PARD3: variants seen among roughly 807,000 people sequenced by gnomAD.
PARD3 encodes the protein par-3 family cell polarity regulator.
PARD3 carries 75 observed loss-of-function variants against 155.4 expected under a neutral mutation model. The ratio of observed to expected loss-of-function variants is 0.48; its 90% CI spans 0.40 to 0.58. The LOEUF (loss-of-function observed/expected upper bound fraction) is 0.58. Among genes scored for constraint, PARD3 ranks in the 20% least tolerant of loss-of-function variants. PARD3 has a pLI of 0.00. For missense variants in PARD3, 1,642 were observed against 1,721.7 expected (o/e 0.95, Z 0.82); for synonymous variants, 576 against 610.5 (o/e 0.94, Z 0.83).
intron 2 of PARD3, among the ~76,000 whole-genome samples, chr10:34,608,592 T>G (rs2090647184): frequency 6.9e-6 from 1 of 145,362 alleles, no homozygotes; most frequent in African/African-American, 2.6e-5. Context: ...TGGAGTGCAA[T>G]GGCCCGATCT....
In PARD3 at chr10:34,258,984, G is replaced by A. The variant is rs190835492; in HGVS notation, c.3419+10673C>T. Among the ~76,000 whole-genome samples the A allele has an allele frequency of 3.4e-3, 521 of 152,152 alleles. 3 individuals are homozygous for A. The highest frequency in any genetic ancestry group is 0.021 in the South Asian group (102 of 4,808). On this transcript the variant is annotated intron_variant, in intron 22 of 24. Transcript: ENST00000374788. Reference sequence around the variant, plus strand: ...CTCGAGAGGCTGAGGTGGGAGAAGCGCTTGGGCCCAGGAATTTGAGGTTGC... The same window carrying A: ...CTCGAGAGGCTGAGGTGGGAGAAGCACTTGGGCCCAGGAATTTGAGGTTGC...
intron 5 of PARD3, among the ~76,000 whole-genome samples, chr10:34,447,317 T>A (rs1454515450): frequency 6.6e-6 from 1 of 151,272 alleles, no homozygotes; most frequent in Non-Finnish European, 1.5e-5. Context: ...CCATCTGTAC[T>A]AAAAACACAA....
intron 22 of PARD3, among the ~76,000 whole-genome samples, chr10:34,244,321 A>C (rs1192940281): frequency 6.6e-6 from 1 of 152,220 alleles, no homozygotes; most frequent in Non-Finnish European, 1.5e-5. Context: ...TACTCAGGAA[A>C]CATTTAAAGG....
At chr10:34,113,774 G>C (rs920915815) in intron 24 of PARD3, among the ~76,000 whole-genome samples, 1 of 152,154 alleles carries the variant, frequency 6.6e-6, no homozygotes, top group African/African-American at 2.4e-5. Flanking sequence ...CACTGGGCGA[G>C]TTCTGCTCAC....
chr10:34,399,187 A>T (rs1306835966), intron 7 of PARD3, 143 bp downstream of exon 7: 1 of 644,626 alleles, frequency 1.6e-6, no homozygotes, highest in Non-Finnish European at 2.8e-6. Flanking sequence ...TGACATATAT[A>T]TAGGAATGAA....
chr10:34,741,466 T>C (rs2095016822), intron 1 of PARD3, among the ~76,000 whole-genome samples: 1 of 152,116 alleles, frequency 6.6e-6, no homozygotes, highest in Non-Finnish European at 1.5e-5. Context: ...ATTACAGGCA[T>C]GAGCCACTGT....
chr10:34,794,030 C>T (rs1841975812), intron 1 of PARD3, among the ~76,000 whole-genome samples: 2 of 152,062 alleles, frequency 1.3e-5, no homozygotes, highest in Admixed American at 1.3e-4. Flanking sequence ...GGTAAGCAAA[C>T]TCAACATATG....
At chr10:34,246,751 C>T (rs1953975959) in intron 22 of PARD3, among the ~76,000 whole-genome samples, 1 of 152,060 alleles carries the variant, frequency 6.6e-6, no homozygotes, top group Non-Finnish European at 1.5e-5. Flanking sequence ...GAGGAGACTG[C>T]ATGGACTGAA....
At chr10:34,496,687 G>C (rs1205526967) in intron 3 of PARD3, among the ~76,000 whole-genome samples, 1 of 152,160 alleles carries the variant, frequency 6.6e-6, no homozygotes, top group Non-Finnish European at 1.5e-5. Flanking sequence ...TGAAACACAT[G>C]CACAGGGGTC....
intron 1 of PARD3, among the ~76,000 whole-genome samples, chr10:34,718,975 A>C (rs2094563736): frequency 6.6e-6 from 1 of 152,180 alleles, no homozygotes. Context: ...AATAAAAATA[A>C]AAAATAAATT....
chr10:34,378,316 T>C (rs1261603898), intron 9 of PARD3, among the ~76,000 whole-genome samples: 1 of 152,194 alleles, frequency 6.6e-6, no homozygotes, highest in African/African-American at 2.4e-5. Flanking sequence ...CAGTTATTAA[T>C]CTAAGAAGAA....
chr10:34,458,812 A>G (rs1208081135), intron 4 of PARD3, among the ~76,000 whole-genome samples: 1 of 152,194 alleles, frequency 6.6e-6, no homozygotes, highest in African/African-American at 2.4e-5. Context: ...CACAGCCTCC[A>G]CTTGCTTTCC....
chr10:34,669,889 A>G (rs145971044), intron 2 of PARD3, among the ~76,000 whole-genome samples: 1 of 152,374 alleles, frequency 6.6e-6, no homozygotes, highest in African/African-American at 2.4e-5. Flanking sequence ...TGATAAAAGT[A>G]AAATTCTACT....
intron 22 of PARD3, among the ~76,000 whole-genome samples, chr10:34,162,112 A>C (rs1263338328): frequency 6.6e-6 from 1 of 150,766 alleles, no homozygotes; most frequent in Non-Finnish European, 1.5e-5. Flanking sequence ...TCTCCGACCC[A>C]CCCCCCAAGT....
At chr10:34,582,985 T>C (rs1027489467) in intron 2 of PARD3, among the ~76,000 whole-genome samples, 1 of 152,208 alleles carries the variant, frequency 6.6e-6, no homozygotes, top group Non-Finnish European at 1.5e-5. Flanking sequence ...GAGACAAGTG[T>C]CTGGTTCTCT....
At chr10:34,426,875 C>T (rs1336068369) in intron 5 of PARD3, 1 of 152,200 alleles carries the variant, frequency 6.6e-6, no homozygotes, top group East Asian at 1.9e-4. Context: ...ATTTCATGGA[C>T]ATTTATTAGT....
intron 2 of PARD3, among the ~76,000 whole-genome samples, chr10:34,563,754 C>T (rs2085698245): frequency 6.6e-6 from 1 of 152,118 alleles, no homozygotes; most frequent in African/African-American, 2.4e-5. Context: ...TGGTCTCGAT[C>T]TCTTGACCTC....
At chr10:34,369,717 T>C (rs982656683) in intron 12 of PARD3, among the ~76,000 whole-genome samples, 2 of 152,188 alleles carry the variant, frequency 1.3e-5, no homozygotes, top group South Asian at 2.1e-4. Flanking sequence ...TTAAAGTTGA[T>C]ATACCATGGT....
At chr10:34,285,588 G>A (rs1956347435) in intron 20 of PARD3, among the ~76,000 whole-genome samples, 1 of 150,754 alleles carries the variant, frequency 6.6e-6, no homozygotes, top group African/African-American at 2.4e-5. Context: ...AAAAAAAAAA[G>A]AAAGAAAGAA....
Sources: gnomAD v4.1 joint callset for allele counts (sites outside exome capture counted in the v4.1 genomes callset) on GRCh38, gnomAD v4.1.1 for gene constraint, MANE v1.5 for transcripts, NCBI Gene and HGNC (gene_info 2026-07-23, HGNC 2026-07-21) for gene names.